Variants in SPAG9 observed in about 807,000 individuals in gnomAD.
SPAG9 encodes C-Jun-amino-terminal kinase-interacting protein 4.
SPAG9 carries 35 observed loss-of-function variants against 166.5 expected under a neutral mutation model. The observed-to-expected ratio is 0.21, with a 90% CI of 0.16 to 0.28. The LOEUF (loss-of-function observed/expected upper bound fraction) is 0.28. Ranked by LOEUF, SPAG9 falls within the 10% of genes least tolerant of loss-of-function variation. The pLI is 1.00. For synonymous variants in SPAG9, 534 were observed against 565.5 expected (o/e 0.94, Z 0.79); for missense variants, 1,235 against 1,603.3 (o/e 0.77, Z 3.92).
intron 6 of SPAG9, chr17:51,030,957 C>CA (rs1407165654): frequency 6.7e-6 from 1 of 149,512 alleles, no homozygotes; most frequent in African/African-American, 2.5e-5. Context: ...CTGTGTTGCC[C>CA]AGGCTGGAAG....
chr17:50,998,684 C>T, intron 14 of SPAG9, 67 bp from the exon 15 acceptor site: 1 of 1,474,956 alleles, frequency 6.8e-7, no homozygotes, highest in Non-Finnish European at 9.3e-7. Flanking sequence ...TTTCCACAAA[C>T]TTTAATGTTG....
chr17:51,050,552 G>A (rs1282053916), intron 3 of SPAG9, among the ~76,000 whole-genome samples: 1 of 152,160 alleles, frequency 6.6e-6, no homozygotes, highest in African/African-American at 2.4e-5. Flanking sequence ...AGCAGGCAAT[G>A]AGCCCATTGT....
chr17:51,011,635 G>GGTCTCCCAAA (rs2045489359), intron 9 of SPAG9, among the ~76,000 whole-genome samples: 1 of 151,962 alleles, frequency 6.6e-6, no homozygotes, highest in African/African-American at 2.4e-5. Context: ...TGCCCACCTC[G>GGTCTCCCAAA]GTCTCCCAAA....
intron 6 of SPAG9, among the ~76,000 whole-genome samples, chr17:51,022,037 T>C (rs2045958355): frequency 1.3e-5 from 2 of 150,042 alleles, no homozygotes; most frequent in African/African-American, 2.5e-5. Context: ...GCAGGAGAAT[T>C]GCTTGAACCT....
intron 25 of SPAG9, among the ~76,000 whole-genome samples, chr17:50,981,570 A>G (rs1974640479): frequency 6.6e-6 from 1 of 152,142 alleles, no homozygotes; most frequent in Non-Finnish European, 1.5e-5. Flanking sequence ...TAGAATTGAT[A>G]TAAAAAACAA....
At chr17:51,091,487 G>GT (rs1276555833) in intron 1 of SPAG9, among the ~76,000 whole-genome samples, 12 of 151,562 alleles carry the variant, frequency 7.9e-5, no homozygotes, top group Admixed American at 1.3e-4. Context: ...TTGTTTTTCT[G>GT]TTTTTTTGTT....
rs369177761 is a variant in SPAG9 at position 51,052,697 on chromosome 17, G to T, written c.495+3715C>A. 8.6e-5 allele frequency among the ~76,000 whole-genome samples: 13 copies of T among 151,690 alleles called. No homozygotes were observed. The East Asian group carries it at 1.5e-3, about 18-fold the overall frequency. ...GTATGTCAGGCTTCTTTATAGAAGC[G>T]TATCTTCACCTTTATTAAATATATG... On this transcript the variant is annotated intron_variant, in intron 3 of 29. Coordinates refer to ENST00000262013, the MANE Select transcript of SPAG9 (RefSeq NM_001130528.3).
At chr17:51,041,019 C>T (rs770234349) in intron 5 of SPAG9, among the ~76,000 whole-genome samples, 50 of 152,270 alleles carry the variant, frequency 3.3e-4, no homozygotes, top group Middle Eastern at 3.4e-3. Context: ...TTAATTTACA[C>T]CACGCCTTTT....
rs1355865550 is a variant in SPAG9, at chr17:50,989,779, T to A, written c.2711A>T (p.Asp904Val). 6.2e-7 allele frequency: 1 copy of A among 1,614,108 alleles called. No homozygotes were observed. The highest frequency in any genetic ancestry group is 8.5e-7 in the Non-Finnish European group (1 of 1,180,006). Residue 904 changes from aspartate (D) to valine (V), a missense_variant, in exon 21 of 30, where the codon GAC (aspartate) becomes GTC (valine). Transcript: ENST00000262013. The stretch of plus-strand genomic sequence containing the variant: ...GCCAGTTTGGGAGATGTCCACTGTG[T>A]CTTCAGCTGACCCCGCATTCCCTTC... ...ATEGNAGSAE[D>V]TVDISQTGVY...
At chr17:51,077,653 A>T (rs2048055248) in intron 2 of SPAG9, among the ~76,000 whole-genome samples, 1 of 151,332 alleles carries the variant, frequency 6.6e-6, no homozygotes. Flanking sequence ...GAGATTTCAA[A>T]TTTTTTTATT....
chr17:51,007,374 A>ATTAT (rs1271179715), intron 9 of SPAG9, 48 bp from the exon 10 acceptor site: 13 of 987,038 alleles, frequency 1.3e-5, no homozygotes, highest in Non-Finnish European at 2.0e-5. Context: ...TGCATCAATA[A>ATTAT]TTATATACAT....
In SPAG9 at chr17:50,966,092, A is replaced by G. The variant is rs1162558048; in HGVS notation, c.*180T>C. 4.6e-5 allele frequency: 27 copies of G among 587,396 alleles called. No homozygotes were observed. The East Asian group carries it at 7.0e-4, about 15-fold the overall frequency. 36.4% of individuals were successfully genotyped at this position (587,396 alleles called of 1,614,324 possible). ...ACCTATAACACTGGTGCAGTAACAC[A>G]GCTAGTTCCTCTGTATTGTTATGGT... On this transcript the variant is annotated 3_prime_UTR_variant, in exon 30 of 30. Coordinates refer to ENST00000262013, the MANE Select transcript of SPAG9 (RefSeq NM_001130528.3).
At chr17:51,101,139 A>T (rs189736765) in intron 1 of SPAG9, among the ~76,000 whole-genome samples, 238 of 152,068 alleles carry the variant, frequency 1.6e-3, no homozygotes, top group African/African-American at 5.6e-3. Context: ...CGAGGTCAAG[A>T]GATCAAGACC....
intron 1 of SPAG9, among the ~76,000 whole-genome samples, chr17:51,113,236 C>G (rs1270396622): frequency 6.6e-6 from 1 of 151,506 alleles, no homozygotes; most frequent in Non-Finnish European, 1.5e-5. Context: ...GCCTGTAATC[C>G]CAGCTACTCA....
At chr17:50,994,025 T>C in intron 18 of SPAG9, 90 bp from the exon 19 acceptor site, 1 of 1,167,720 alleles carries the variant, frequency 8.6e-7, no homozygotes, top group South Asian at 1.5e-5. Flanking sequence ...GGCAATACTA[T>C]TTCAAATTTA....
At chr17:51,089,424 C>A (rs1350406771) in intron 1 of SPAG9, among the ~76,000 whole-genome samples, 11 of 149,920 alleles carry the variant, frequency 7.3e-5, no homozygotes, top group Non-Finnish European at 1.5e-4. Flanking sequence ...AACTCTGTCT[C>A]AAAAAAACAA....
chr17:51,037,349 C>T (rs931456285), intron 5 of SPAG9, among the ~76,000 whole-genome samples: 72 of 151,910 alleles, frequency 4.7e-4, no homozygotes, highest in African/African-American at 1.6e-3. Context: ...ATAGGCCGGG[C>T]GCGGTGGCTC....
chr17:51,118,161 C>G (rs2049351878), intron 1 of SPAG9, among the ~76,000 whole-genome samples: 1 of 151,002 alleles, frequency 6.6e-6, no homozygotes, highest in African/African-American at 2.4e-5. Context: ...GAAAAGAAAA[C>G]TGATAACAAG....
At chr17:51,088,306 A>G (rs1434877161) in intron 1 of SPAG9, among the ~76,000 whole-genome samples, 1 of 152,204 alleles carries the variant, frequency 6.6e-6, no homozygotes, top group Non-Finnish European at 1.5e-5. Context: ...ACTACAAACT[A>G]GGTAATGTCA....
Sources: allele counts gnomAD v4.1 joint callset (sites outside exome capture counted in the v4.1 genomes callset), GRCh38; gene constraint gnomAD v4.1.1; transcripts MANE v1.5; gene names NCBI Gene and HGNC (gene_info 2026-07-23, HGNC 2026-07-21).